The following TNIK variants were observed in gnomAD, a reference collection of about 807,000 sequenced individuals.
TNIK encodes the protein TRAF2 and NCK-interacting protein kinase.
TNIK carries 49 observed loss-of-function variants against 191.3 expected under a neutral mutation model. The observed-to-expected ratio is 0.26, with a 90% CI of 0.20 to 0.32. The LOEUF (loss-of-function observed/expected upper bound fraction) is 0.32. TNIK is among the 10% of genes least tolerant of loss of function. The pLI is 1.00. For missense variants in TNIK, 1,155 were observed against 1,702.3 expected (o/e 0.68, Z 5.66); for synonymous variants, 594 against 600.9 (o/e 0.99, Z 0.17).
intron 2 of TNIK, among the ~76,000 whole-genome samples, chr3:171,360,079 C>T (rs2108466011): frequency 6.6e-6 from 1 of 152,314 alleles, no homozygotes; most frequent in African/African-American, 2.4e-5. Flanking sequence ...ATTCTAAATA[C>T]TTCAAATCAA....
intron 22 of TNIK, among the ~76,000 whole-genome samples, 165 bp downstream of exon 22, chr3:171,101,284 A>G (rs1723511361): frequency 6.6e-6 from 1 of 152,158 alleles, no homozygotes. Context: ...GTCCATAGAT[A>G]GAGATAATTA....
In TNIK at chr3:171,268,199, C is replaced by T. The variant is rs139566504; in HGVS notation, c.124-39978G>A. On this transcript the variant is annotated intron_variant, in intron 2 of 32. Coordinates refer to ENST00000436636, the MANE Select transcript of TNIK (RefSeq NM_015028.4). ...TAGTCAGGCTCTTCTAAATCCTCTT[C>T]CCAACCAGGCCTCGACTTTTGGACT... Among the ~76,000 whole-genome samples, 79 of 152,284 alleles carry T rather than the reference C, an allele frequency of 5.2e-4. 1 individual carries two copies. The highest frequency in any genetic ancestry group is 1.7e-3 in the African/African-American group (72 of 41,552).
intron 27 of TNIK, among the ~76,000 whole-genome samples, chr3:171,081,415 T>C (rs1394632885): frequency 1.3e-5 from 2 of 151,356 alleles, no homozygotes; most frequent in Non-Finnish European, 2.9e-5. Context: ...GGCTGTACAA[T>C]GGAAACACAT....
rs201179069 is a variant in TNIK at position 171,110,832 on chromosome 3, C to G, written c.2166G>C (p.Leu722Phe). The G allele has an allele frequency of 5.6e-6, 9 of 1,605,186 alleles. No homozygotes were observed. The South Asian group carries it at 1.0e-4, about 18-fold the overall frequency. The stretch of plus-strand genomic sequence containing the variant: ...AGGAACTGCCACTGCTGGTCCTCTG[C>G]AAGGGGCTCTCCAAGATGGGCTCAG... ...RRTEPILESP[L>F]QRTSSGSSSS... The change falls in exon 19 of 33, where the codon TTG becomes TTC. Residue 722 changes from leucine (L) to phenylalanine (F), a missense_variant. Physicochemically the swap from Leu to Phe is conservative, Grantham distance 22 (BLOSUM62 0). Transcript: ENST00000436636.
At position 171,060,019 on chromosome 3, in the gene TNIK, AT is replaced by A. The variant is rs758700782; in HGVS notation, c.*3861del. ...AAAATTAAAAGTTTTATCAATAACT[AT>A]TTTTTTTCTTAAAAATAATGTAGCA... On this transcript the variant is annotated 3_prime_UTR_variant, in exon 33 of 33. Transcript: ENST00000436636. Among the ~76,000 whole-genome samples the A allele has an allele frequency of 5.3e-5, 8 of 152,134 alleles. No homozygotes were observed. In the East Asian group the frequency reaches 9.7e-4, roughly 18 times the overall value.
rs9883166 is a variant in TNIK, at chr3:171,323,427, G to A, written c.123+46193C>T. On this transcript the variant is annotated intron_variant, in intron 2 of 32. Coordinates refer to ENST00000436636, the MANE Select transcript of TNIK (RefSeq NM_015028.4). ...TTACTTGTAATGTATTGCCATAAGA[G>A]TGATTTGTGGATTACACCGCATGGA... 2.0e-3 allele frequency among the ~76,000 whole-genome samples: 302 copies of A among 152,240 alleles called. 1 individual carries two copies. In the Middle Eastern group the frequency reaches 0.037, roughly 19 times the overall value.
chr3:171,152,239 G>A lies in TNIK; in HGVS notation c.1221+5221C>T, dbSNP rs556717258. Among the ~76,000 whole-genome samples, 86 of 151,806 alleles carry A rather than the reference G, an allele frequency of 5.7e-4. No individual in the cohort carries two copies. In the South Asian group the frequency reaches 0.015, roughly 26 times the overall value. On this transcript the variant is annotated intron_variant, in intron 12 of 32. Transcript: ENST00000436636. The stretch of plus-strand genomic sequence containing the variant: ...GAGGTTGCAGTGAGCTGAGATGATC[G>A]TGCCTCCAACCTGGGTGACAGAGTA...
chr3:171,070,884 A>G lies in TNIK; in HGVS notation c.3549+339T>C, dbSNP rs565499376. ...CCATTTGTCTGCCTTTTTCAAACAA[A>G]ATATCAGGGAATACCCTGGTTTAGG... On this transcript the variant is annotated intron_variant, in intron 29 of 32. Transcript: ENST00000436636. Among the ~76,000 whole-genome samples the G allele has an allele frequency of 7.2e-5, 11 of 152,238 alleles. No homozygotes were observed. The South Asian group carries it at 2.1e-3, about 29-fold the overall frequency.
chr3:171,449,341 A>G (rs1727898091), intron 1 of TNIK, among the ~76,000 whole-genome samples: 1 of 152,202 alleles, frequency 6.6e-6, no homozygotes, highest in South Asian at 2.1e-4. Context: ...GTCTTCCACA[A>G]TGGTTGAACT....
At chr3:171,065,288 A>G (rs183814926) in intron 32 of TNIK, among the ~76,000 whole-genome samples, 1 of 152,370 alleles carries the variant, frequency 6.6e-6, no homozygotes, top group Admixed American at 6.5e-5. Flanking sequence ...CTGTCCACCC[A>G]GACCACATCA....
chr3:171,390,268 C>G (rs886558358), intron 1 of TNIK, among the ~76,000 whole-genome samples: 2 of 152,166 alleles, frequency 1.3e-5, no homozygotes, highest in Non-Finnish European at 2.9e-5. Flanking sequence ...TCGGTACTTT[C>G]GTTTAGCTAT....
intron 2 of TNIK, among the ~76,000 whole-genome samples, chr3:171,306,832 G>A (rs960338634): frequency 1.8e-4 from 28 of 152,052 alleles, no homozygotes; most frequent in African/African-American, 6.0e-4. Flanking sequence ...TTCCATGCTC[G>A]GCTTTTCTTA....
intron 2 of TNIK, among the ~76,000 whole-genome samples, chr3:171,277,389 T>A (rs1381726131): frequency 6.6e-6 from 1 of 152,128 alleles, no homozygotes; most frequent in Admixed American, 6.5e-5. Flanking sequence ...GATTTGAAGA[T>A]AACATTCAGA....
chr3:171,265,944 C>T (rs1387334264), intron 2 of TNIK, among the ~76,000 whole-genome samples: 1 of 152,102 alleles, frequency 6.6e-6, no homozygotes, highest in East Asian at 1.9e-4. Context: ...TCCTGGGGTC[C>T]CCAGACATAG....
At chr3:171,457,870 T>C (rs374867063) in intron 1 of TNIK, among the ~76,000 whole-genome samples, 87 of 152,190 alleles carry the variant, frequency 5.7e-4, no homozygotes, top group African/African-American at 2.1e-3. Flanking sequence ...TGTGCAAAGA[T>C]ATATTTTCAA....
At chr3:171,364,962 T>G (rs1480230621) in intron 2 of TNIK, among the ~76,000 whole-genome samples, 1 of 152,000 alleles carries the variant, frequency 6.6e-6, no homozygotes, top group Non-Finnish European at 1.5e-5. Context: ...AATATAAAAC[T>G]ATTTACAAGC....
intron 19 of TNIK, among the ~76,000 whole-genome samples, chr3:171,109,949 G>C (rs1374859450): frequency 6.6e-6 from 1 of 151,792 alleles, no homozygotes; most frequent in Non-Finnish European, 1.5e-5. Context: ...TTGTTGCCAA[G>C]GCTGGAGTAC....
intron 9 of TNIK, among the ~76,000 whole-genome samples, chr3:171,167,877 T>C (rs997563641): frequency 6.6e-6 from 1 of 152,244 alleles, no homozygotes; most frequent in African/African-American, 2.4e-5. Context: ...TTGTAACCAG[T>C]AGTTTCAGAA....
At chr3:171,447,697 G>A (rs1296460903) in intron 1 of TNIK, among the ~76,000 whole-genome samples, 1 of 152,194 alleles carries the variant, frequency 6.6e-6, no homozygotes, top group Non-Finnish European at 1.5e-5. Context: ...AATATCTAGA[G>A]CCTTAGAGAT....
Sources: allele counts gnomAD v4.1 joint callset (sites outside exome capture counted in the v4.1 genomes callset), GRCh38; gene constraint gnomAD v4.1.1; transcripts MANE v1.5; gene names NCBI Gene and HGNC (gene_info 2026-07-23, HGNC 2026-07-21).